The following MFSD8 variants were observed in gnomAD, a reference collection of about 807,000 sequenced individuals.
MFSD8 encodes the protein major facilitator superfamily domain containing 8.
Under a neutral mutation model 66.4 loss-of-function variants are expected in MFSD8, and 55 were observed. The ratio of observed to expected loss-of-function variants is 0.83; its 90% confidence interval spans 0.67 to 1.04. MFSD8 has a LOEUF of 1.04. Among genes scored for constraint, MFSD8 ranks in the 50% least tolerant of loss-of-function variants. The pLI, the probability that MFSD8 is intolerant of heterozygous loss-of-function variation, is 0.00. For missense variants in MFSD8, 550 were observed against 627.6 expected, an observed-to-expected ratio of 0.88 and a Z score of 1.32; for synonymous variants, 202 against 212.8, an observed-to-expected ratio of 0.95 and a Z score of 0.44.
chr4:127,928,100 G>A (rs1737518377), intron 9 of MFSD8, among the ~76,000 whole-genome samples: 1 of 151,866 alleles, frequency 6.6e-6, no homozygotes. Context: ...CCAGGCTGGA[G>A]GGCAGTGGTG....
chr4:127,933,136 A>T (rs1560736424), intron 7 of MFSD8, 43 bp from the exon 8 acceptor site: 1 of 1,461,446 alleles, frequency 6.8e-7, no homozygotes, highest in Non-Finnish European at 9.6e-7. Flanking sequence ...TATACATCTA[A>T]TTTTTCTTAT....
At chr4:127,938,582 CAAAAA>C (rs1174151589) in intron 7 of MFSD8, among the ~76,000 whole-genome samples, 196 bp downstream of exon 7, 5 of 110,534 alleles carry the variant, frequency 4.5e-5, no homozygotes, top group African/African-American at 1.8e-4. Context: ...AACTCTGTCT[CAAAAA>C]AAAAAAAATA....
intron 2 of MFSD8, 67 bp from the exon 3 acceptor site, chr4:127,949,914 C>A: frequency 7.1e-7 from 1 of 1,404,434 alleles, no homozygotes; most frequent in South Asian, 1.3e-5. Flanking sequence ...ATACAATTTT[C>A]TGAACCGTGG....
intron 1 of MFSD8, chr4:127,964,745 G>A (rs1744709774): frequency 2.2e-6 from 1 of 460,934 alleles, no homozygotes. Flanking sequence ...CCCAGGCAGA[G>A]GAGGCCTGGA....
chr4:127,940,308 GA>G (rs1204558314), intron 5 of MFSD8, among the ~76,000 whole-genome samples: 5 of 151,492 alleles, frequency 3.3e-5, no homozygotes, highest in African/African-American at 4.8e-5. Context: ...AGACAATAAT[GA>G]AAAAAAGGTT....
upstream of MFSD8, chr4:127,965,368 A>T (rs1744930753): frequency 4.9e-6 from 3 of 608,028 alleles, no homozygotes; most frequent in African/African-American, 1.8e-5. Flanking sequence ...TCCCATCCTG[A>T]CGGGGACTGA....
chr4:127,964,192 G>T (rs549347315), intron 1 of MFSD8, among the ~76,000 whole-genome samples: 1 of 152,162 alleles, frequency 6.6e-6, no homozygotes, highest in Non-Finnish European at 1.5e-5. Flanking sequence ...ATCCCGCACC[G>T]GGGCTGCAGG....
chr4:127,936,496 G>A (rs910018480), intron 7 of MFSD8, among the ~76,000 whole-genome samples: 9 of 151,952 alleles, frequency 5.9e-5, no homozygotes, highest in African/African-American at 2.2e-4. Flanking sequence ...GAGGCCCAGG[G>A]AGGCAGATCA....
chr4:127,952,123 A>C (rs1578956394), intron 2 of MFSD8, among the ~76,000 whole-genome samples: 1 of 151,922 alleles, frequency 6.6e-6, no homozygotes, highest in East Asian at 1.9e-4. Context: ...GCTTCATTTC[A>C]GGCCAGGCAC....
intron 2 of MFSD8, among the ~76,000 whole-genome samples, chr4:127,951,449 G>A (rs970058384): frequency 3.9e-5 from 6 of 151,970 alleles, no homozygotes; most frequent in Non-Finnish European, 5.9e-5. Context: ...GGCTGGTCTC[G>A]AACTCCTGAC....
In MFSD8 at chr4:127,938,582, CAAA is replaced by C. The variant is rs1174151589; in HGVS notation, c.754+198_754+200del. Among the ~76,000 whole-genome samples the C allele has an allele frequency of 0.02, 2,173 of 110,502 alleles. 77 individuals carry two copies. Among genetic ancestry groups the C allele is most frequent in the African/African-American group, 0.071 (2,038 of 28,522 alleles). The allele number at this position is 110,502 out of a possible 152,430, so 72.5% of individuals were successfully genotyped here. ...TGGGCGACAGAGCGAAACTCTGTCTCAAAAAAAAAAAAATAAATAAATAAATAA... is the reference window on the plus strand; with the variant it reads ...TGGGCGACAGAGCGAAACTCTGTCTCAAAAAAAAAATAAATAAATAAATAA... On this transcript the variant is annotated intron_variant, in intron 7 of 11. Coordinates refer to ENST00000641686, the MANE Select transcript of MFSD8 (RefSeq NM_001371596.2).
rs890487889 is a variant in MFSD8 at position 127,940,538 on chromosome 4, A to ATATATATATATATATG, written c.554-542_554-541insCATATATATATATATA. Among the ~76,000 whole-genome samples the ATATATATATATATATG allele has an allele frequency of 2.8e-5, 4 of 140,686 alleles. 1 individual carries two copies. Among genetic ancestry groups the ATATATATATATATATG allele is most frequent in the African/African-American group, 1.1e-4 (4 of 35,762 alleles). The allele number at this position is 140,686 out of a possible 152,430, so 92.3% of individuals were successfully genotyped here. On this transcript the variant is annotated intron_variant, in intron 5 of 11. Coordinates refer to ENST00000641686, the MANE Select transcript of MFSD8 (RefSeq NM_001371596.2). ...ATGGTATATATATATATATATATAT[A>ATATATATATATATATG]TGTGTGTGTGTGTATATATTTATTA...
intron 1 of MFSD8, among the ~76,000 whole-genome samples, chr4:127,961,536 C>T (rs915459802): frequency 1.3e-5 from 2 of 152,048 alleles, no homozygotes; most frequent in African/African-American, 4.8e-5. Context: ...ATTCTGAGGC[C>T]GGGCACGGTG....
intron 5 of MFSD8, among the ~76,000 whole-genome samples, chr4:127,940,532 A>G (rs1578893278): frequency 6.9e-6 from 1 of 145,656 alleles, no homozygotes; most frequent in East Asian, 2.0e-4. Flanking sequence ...ATATATATAT[A>G]TATATATGTG....
In MFSD8 at chr4:127,957,481, TA is replaced by T; in HGVS notation, c.154+19del. 4 of 1,490,120 alleles carry T rather than the reference TA, an allele frequency of 2.7e-6. No individual in the cohort carries two copies. Among genetic ancestry groups the T allele is most frequent in the Non-Finnish European group, 3.7e-6 (4 of 1,070,036 alleles). 92.3% of individuals were successfully genotyped at this position (1,490,120 alleles called of 1,614,324 possible). On this transcript the variant is annotated intron_variant, in intron 2 of 11. Coordinates refer to ENST00000641686, the MANE Select transcript of MFSD8 (RefSeq NM_001371596.2). The stretch of plus-strand genomic sequence containing the variant: ...GACATCTGATCTGAATTGTTAAAAT[TA>T]TGTATTTCTAATACTTACCTACACT...
At chr4:127,950,227 T>C (rs965905154) in intron 2 of MFSD8, among the ~76,000 whole-genome samples, 14 of 152,148 alleles carry the variant, frequency 9.2e-5, no homozygotes, top group Non-Finnish European at 1.9e-4. Flanking sequence ...GAGGAGATAA[T>C]TGACTGAAGG....
intron 9 of MFSD8, among the ~76,000 whole-genome samples, chr4:127,924,449 GACAA>G (rs1391817804): frequency 2.0e-5 from 3 of 152,100 alleles, no homozygotes; most frequent in Non-Finnish European, 2.9e-5. Context: ...ACCAATAACA[GACAA>G]ACAGAGAGCC....
intron 7 of MFSD8, among the ~76,000 whole-genome samples, chr4:127,937,240 G>A (rs1739236456): frequency 6.6e-6 from 1 of 152,074 alleles, no homozygotes; most frequent in Admixed American, 6.5e-5. Flanking sequence ...AAATGCCTGT[G>A]GGATTTTTTA....
At chr4:127,940,804 A>G (rs1740060617) in intron 5 of MFSD8, among the ~76,000 whole-genome samples, 1 of 151,994 alleles carries the variant, frequency 6.6e-6, no homozygotes, top group African/African-American at 2.4e-5. Context: ...TTTAGATTCA[A>G]TATGTGGCTC....
Sources: gnomAD v4.1 joint callset for allele counts (sites outside exome capture counted in the v4.1 genomes callset) on GRCh38, gnomAD v4.1.1 for gene constraint, MANE v1.5 for transcripts, NCBI Gene and HGNC (gene_info 2026-07-23, HGNC 2026-07-21) for gene names.